RAE1: variants seen among roughly 807,000 people sequenced by gnomAD.
The protein encoded by RAE1 is mRNA export factor RAE1.
In RAE1, 13 loss-of-function variants were observed where a neutral mutation model predicts 52.7. The observed-to-expected ratio is 0.25, with a 90% CI of 0.16 to 0.39. The LOEUF (loss-of-function observed/expected upper bound fraction) is 0.39. RAE1 is among the 10% of genes least tolerant of loss of function. RAE1 has a pLI of 1.00. For missense variants in RAE1, 262 were observed against 459.8 expected (o/e 0.57, Z 3.93); for synonymous variants, 164 against 153.1 (o/e 1.07, Z -0.52).
chr20:57,377,325 C>T (rs1462720372), intron 11 of RAE1, among the ~76,000 whole-genome samples: 1 of 152,168 alleles, frequency 6.6e-6, no homozygotes, highest in Non-Finnish European at 1.5e-5. Context: ...TGGCCCACCC[C>T]ACTCACCTCT....
intron 5 of RAE1, 39 bp downstream of exon 5, chr20:57,365,481 T>G (rs1269042327): frequency 7.1e-7 from 1 of 1,403,090 alleles, no homozygotes; most frequent in Non-Finnish European, 9.9e-7. Context: ...GCACAACTGG[T>G]ACCCAGGACT....
chr20:57,352,800 C>T (rs1246719357), intron 1 of RAE1, among the ~76,000 whole-genome samples: 1 of 152,156 alleles, frequency 6.6e-6, no homozygotes, highest in Non-Finnish European at 1.5e-5. Flanking sequence ...TTAAGTGACC[C>T]GTCCAAAGCC....
intron 1 of RAE1, chr20:57,352,068 A>C: frequency 2.5e-6 from 2 of 804,592 alleles, no homozygotes; most frequent in African/African-American, 1.9e-5. Context: ...AAGAAATTCC[A>C]GGGGATGTGA....
At chr20:57,358,080 A>G (rs1468361048) in intron 4 of RAE1, 1 of 152,196 alleles carries the variant, frequency 6.6e-6, no homozygotes, top group African/African-American at 2.4e-5. Context: ...GGCCTACATT[A>G]AAATTAGAGG....
At chr20:57,375,806 C>T (rs148836227) in intron 11 of RAE1, among the ~76,000 whole-genome samples, 141 of 152,316 alleles carry the variant, frequency 9.3e-4, no homozygotes, top group Middle Eastern at 3.4e-3. Context: ...CTGTCTGTGC[C>T]GGTCACTCAC....
intron 1 of RAE1, chr20:57,351,773 T>TC: frequency 2.0e-6 from 2 of 985,456 alleles, no homozygotes; most frequent in South Asian, 9.4e-5. Flanking sequence ...CAGAAGGGCG[T>TC]CCCCTTTTAG....
intron 4 of RAE1, chr20:57,357,824 A>G (rs186740233): frequency 1.3e-5 from 2 of 150,004 alleles, no homozygotes; most frequent in East Asian, 1.9e-4. Flanking sequence ...GTGGGGATAA[A>G]TCATATTATG....
chr20:57,356,546 C>A lies in RAE1; in HGVS notation c.288+8C>A, dbSNP rs1889766693. The A allele has an allele frequency of 6.2e-7, 1 of 1,602,010 alleles. No homozygotes were observed. The highest frequency in any genetic ancestry group is 8.5e-7 in the Non-Finnish European group (1 of 1,170,060). On this transcript the variant is annotated splice_region_variant and intron_variant, in intron 4 of 11. Coordinates refer to ENST00000395841, the MANE Select transcript of RAE1 (RefSeq NM_003610.4). ...GATGTCTGCTGGAGTGACGTACGTT[C>A]CCTTCCATTTCTCGTGTTCCATTTT...
intron 3 of RAE1, among the ~76,000 whole-genome samples, chr20:57,355,553 C>G (rs1214003628): frequency 6.6e-6 from 1 of 152,092 alleles, no homozygotes; most frequent in African/African-American, 2.4e-5. Context: ...TCACTGATAC[C>G]CTTCTGGGAC....
chr20:57,361,704 C>T (rs1321821655), intron 4 of RAE1, among the ~76,000 whole-genome samples: 2 of 152,144 alleles, frequency 1.3e-5, no homozygotes, highest in Non-Finnish European at 2.9e-5. Flanking sequence ...CACAGCATCC[C>T]AAAGTTAAAA....
In RAE1 at chr20:57,374,813, C is replaced by G. The variant is rs200830641; in HGVS notation, c.1020+12C>G. 4.3e-6 allele frequency: 7 copies of G among 1,613,972 alleles called. No homozygotes were observed. The Admixed American group carries it at 5.0e-5, about 12-fold the overall frequency. On this transcript the variant is annotated intron_variant, in intron 11 of 11. Coordinates refer to ENST00000395841, the MANE Select transcript of RAE1 (RefSeq NM_003610.4). Reference sequence around the variant, plus strand: ...ACGACTGGTCAAAGGTGAGAACTCCCGGGCCTGCTCTGGGTGCTCCAAGGC... The same window carrying G: ...ACGACTGGTCAAAGGTGAGAACTCCGGGGCCTGCTCTGGGTGCTCCAAGGC...
At chr20:57,364,573 T>C (rs941296061) in intron 4 of RAE1, among the ~76,000 whole-genome samples, 1 of 152,222 alleles carries the variant, frequency 6.6e-6, no homozygotes, top group African/African-American at 2.4e-5. Flanking sequence ...AAATGAAATA[T>C]AGACTAGGCC....
At chr20:57,376,688 GGGGGT>G (rs1389484386) in intron 11 of RAE1, among the ~76,000 whole-genome samples, 1 of 152,200 alleles carries the variant, frequency 6.6e-6, no homozygotes. Context: ...CTGCCTGGCT[GGGGGT>G]GGACAGGCTG....
At chr20:57,374,257 C>T (rs1000406440) in intron 10 of RAE1, among the ~76,000 whole-genome samples, 3 of 152,152 alleles carry the variant, frequency 2.0e-5, no homozygotes, top group Non-Finnish European at 2.9e-5. Context: ...GATGTTTTGC[C>T]GAGAGTCTTC....
At chr20:57,353,333 A>G (rs926461093) in intron 1 of RAE1, among the ~76,000 whole-genome samples, 1 of 152,202 alleles carries the variant, frequency 6.6e-6, no homozygotes, top group East Asian at 1.9e-4. Context: ...GAGCAGGAAA[A>G]TGAAGACTGG....
intron 1 of RAE1, among the ~76,000 whole-genome samples, chr20:57,353,635 A>G (rs776778292): frequency 2.4e-4 from 37 of 152,270 alleles, no homozygotes; most frequent in Non-Finnish European, 4.1e-4. Context: ...GGGACCTGCG[A>G]TCTTGTTTAC....
chr20:57,363,562 A>G lies in RAE1; in HGVS notation c.289-1794A>G, dbSNP rs114399646. Among the ~76,000 whole-genome samples the G allele has an allele frequency of 9.9e-3, 1,508 of 152,290 alleles. 21 individuals are homozygous for G. The highest frequency in any genetic ancestry group is 0.034 in the African/African-American group (1,431 of 41,546). On this transcript the variant is annotated intron_variant, in intron 4 of 11. Coordinates refer to ENST00000395841, the MANE Select transcript of RAE1 (RefSeq NM_003610.4). ...CACATCCCTATAGTCCTAGCTACTC[A>G]GGAGACTGAGGTGGGAAGAATCCTT...
At chr20:57,377,825 C>T in intron 11 of RAE1, among the ~76,000 whole-genome samples, 188 bp from the exon 12 acceptor site, 1 of 152,260 alleles carries the variant, frequency 6.6e-6, no homozygotes, top group East Asian at 1.9e-4. Flanking sequence ...TGGTACCAAC[C>T]ACATCCTTAG....
intron 11 of RAE1, among the ~76,000 whole-genome samples, chr20:57,377,167 T>C (rs2067128045): frequency 6.6e-6 from 1 of 152,224 alleles, no homozygotes. Flanking sequence ...TCTAGAGCTT[T>C]CTTGGCATGC....
Sources: allele counts gnomAD v4.1 joint callset (sites outside exome capture counted in the v4.1 genomes callset), GRCh38; gene constraint gnomAD v4.1.1; transcripts MANE v1.5; gene names NCBI Gene and HGNC (gene_info 2026-07-23, HGNC 2026-07-21).